TNNI3K: variants seen among roughly 807,000 people sequenced by gnomAD.
The protein encoded by TNNI3K is serine/threonine-protein kinase TNNI3K.
TNNI3K carries 140 observed loss-of-function variants against 114.5 expected under a neutral mutation model. The ratio of observed to expected loss-of-function variants is 1.22; its 90% CI spans 1.07 to 1.41. TNNI3K has a LOEUF of 1.41. Among genes scored for constraint, TNNI3K ranks in the 40% most tolerant of loss-of-function variants. The probability of loss-of-function intolerance (pLI) is 0.00; values close to 1 mark genes in which losing one functional copy is unlikely to be tolerated. For synonymous variants in TNNI3K, 347 were observed against 347.5 expected (o/e 1.00, Z 0.02); for missense variants, 1,125 against 1,007.6 (o/e 1.12, Z -1.58).
chr1:74,523,519 A>G (rs1646463418), intron 23 of TNNI3K, among the ~76,000 whole-genome samples: 1 of 152,198 alleles, frequency 6.6e-6, no homozygotes, highest in South Asian at 2.1e-4. Flanking sequence ...ACTTAAAAAA[A>G]AAGGCCTCAA....
chr1:74,527,601 A>G (rs944025846), intron 23 of TNNI3K, among the ~76,000 whole-genome samples: 2 of 152,192 alleles, frequency 1.3e-5, no homozygotes, highest in African/African-American at 2.4e-5. Context: ...ATGAAGTTCC[A>G]GAAGGAGGTA....
intron 11 of TNNI3K, among the ~76,000 whole-genome samples, chr1:74,357,189 G>A (rs1006151218): frequency 1.3e-5 from 2 of 152,068 alleles, no homozygotes; most frequent in Non-Finnish European, 2.9e-5. Flanking sequence ...CAATTTGGAG[G>A]TAAAGCTGAG....
At chr1:74,304,441 GATT>G (rs1196482152) in intron 5 of TNNI3K, among the ~76,000 whole-genome samples, 1 of 152,132 alleles carries the variant, frequency 6.6e-6, no homozygotes, top group East Asian at 1.9e-4. Flanking sequence ...AAGTGATGAT[GATT>G]ATTATTACTA....
chr1:74,397,341 G>A (rs1664138631), intron 17 of TNNI3K, among the ~76,000 whole-genome samples: 1 of 151,954 alleles, frequency 6.6e-6, no homozygotes, highest in African/African-American at 2.4e-5. Flanking sequence ...GAAAGAGAGA[G>A]AATGGCAATA....
chr1:74,542,301 G>A (rs996465606), intron 24 of TNNI3K, among the ~76,000 whole-genome samples: 3 of 152,188 alleles, frequency 2.0e-5, no homozygotes, highest in African/African-American at 2.4e-5. Context: ...AAAATTGCAT[G>A]TGGTATGTTA....
intron 17 of TNNI3K, among the ~76,000 whole-genome samples, chr1:74,415,807 A>G (rs1665091547): frequency 6.6e-6 from 1 of 150,798 alleles, no homozygotes; most frequent in Non-Finnish European, 1.5e-5. Context: ...TCATCTTTAT[A>G]TTTTTATAAA....
chr1:74,500,940 G>T (rs1669593668), intron 23 of TNNI3K, among the ~76,000 whole-genome samples: 1 of 151,928 alleles, frequency 6.6e-6, no homozygotes, highest in Admixed American at 6.6e-5. Context: ...GTTGTGTATA[G>T]ATATAAATTT....
chr1:74,245,688 AAAAG>A (rs1277403414), intron 2 of TNNI3K, among the ~76,000 whole-genome samples: 1 of 152,232 alleles, frequency 6.6e-6, no homozygotes, highest in Non-Finnish European at 1.5e-5. Flanking sequence ...TTAAAATAGA[AAAAG>A]AAAAAGTGCT....
chr1:74,403,720 T>C (rs937626569), intron 17 of TNNI3K, among the ~76,000 whole-genome samples: 1 of 152,202 alleles, frequency 6.6e-6, no homozygotes, highest in Admixed American at 6.6e-5. Flanking sequence ...TTCATTCTTA[T>C]ATGAATCTTT....
intron 23 of TNNI3K, among the ~76,000 whole-genome samples, chr1:74,501,619 T>C (rs572297165): frequency 3.3e-5 from 5 of 152,100 alleles, no homozygotes; most frequent in African/African-American, 1.2e-4. Context: ...CCCGAGTAGC[T>C]GGGATTACAG....
rs146998680 is a variant in TNNI3K, at chr1:74,291,356, A to G, written c.444+19648A>G. On this transcript the variant is annotated intron_variant, in intron 5 of 24. Transcript: ENST00000326637. ...ATTTATTGTGACTTCTTTGTGAGTG[A>G]TCACTTATGACATTTTAACAATTTT... Among the ~76,000 whole-genome samples the G allele has an allele frequency of 3.2e-4, 48 of 151,686 alleles. 1 individual carries two copies. In the East Asian group the frequency reaches 9.0e-3, roughly 29 times the overall value.
intron 23 of TNNI3K, among the ~76,000 whole-genome samples, chr1:74,508,055 G>A (rs1669995235): frequency 6.6e-6 from 1 of 152,164 alleles, no homozygotes; most frequent in Admixed American, 6.5e-5. Context: ...ACAATGACGG[G>A]CACACGACTC....
chr1:74,450,410 C>G (rs569526690), intron 20 of TNNI3K, among the ~76,000 whole-genome samples: 1 of 152,158 alleles, frequency 6.6e-6, no homozygotes, highest in Admixed American at 6.5e-5. Flanking sequence ...AAAATCAGAG[C>G]AGAACTAAAC....
intron 5 of TNNI3K, among the ~76,000 whole-genome samples, chr1:74,302,971 C>A (rs1228451518): frequency 1.3e-5 from 2 of 152,172 alleles, no homozygotes; most frequent in African/African-American, 4.8e-5. Context: ...TAGAAAGGAG[C>A]AGTCAATGCC....
At position 74,336,097 on chromosome 1, in the gene TNNI3K, A is replaced by G. The variant is rs1660448371; in HGVS notation, c.630A>G (p.Lys210=). The change falls in exon 7 of 25, where the codon AAA becomes AAG. Residue 210 remains lysine, a synonymous_variant. Coordinates refer to ENST00000326637, the MANE Select transcript of TNNI3K (RefSeq NM_015978.3). ...GDRPLHLASA[K]GFLNIAKLLM... is the part of the protein sequence containing the mutation. The stretch of plus-strand genomic sequence containing the variant: ...GACCCCTCCACCTAGCATCTGCAAA[A>G]GGATTCTTGAATATTGCAAAACTCT... 3.7e-6 allele frequency: 6 copies of G among 1,604,394 alleles called. No homozygotes were observed. In the East Asian group the frequency reaches 1.3e-4, roughly 36 times the overall value.
At chr1:74,442,442 T>G (rs1002887031) in intron 20 of TNNI3K, among the ~76,000 whole-genome samples, 3 of 152,006 alleles carry the variant, frequency 2.0e-5, no homozygotes, top group African/African-American at 7.2e-5. Context: ...CCATCTAGAT[T>G]TTTTTTGCTT....
chr1:74,365,961 T>A (rs1333598303), intron 11 of TNNI3K, among the ~76,000 whole-genome samples: 2 of 152,036 alleles, frequency 1.3e-5, no homozygotes, highest in Non-Finnish European at 1.5e-5. Context: ...TTTTTTTTTT[T>A]TTCCTCGAAG....
chr1:74,385,191 A>G (rs1306420470), intron 17 of TNNI3K, among the ~76,000 whole-genome samples: 2 of 152,152 alleles, frequency 1.3e-5, no homozygotes, highest in Non-Finnish European at 2.9e-5. Context: ...AATGCAAACT[A>G]ATCAATAGAG....
At chr1:74,459,360 C>A (rs2100714093) in intron 20 of TNNI3K, among the ~76,000 whole-genome samples, 1 of 152,126 alleles carries the variant, frequency 6.6e-6, no homozygotes, top group South Asian at 2.1e-4. Flanking sequence ...AATAAAGAGG[C>A]AATTAAGTAT....
Sources: gnomAD v4.1 joint callset for allele counts (sites outside exome capture counted in the v4.1 genomes callset) on GRCh38, gnomAD v4.1.1 for gene constraint, MANE v1.5 for transcripts, NCBI Gene and HGNC (gene_info 2026-07-23, HGNC 2026-07-21) for gene names.